SLCO3A1: variants seen among roughly 807,000 people sequenced by gnomAD.
SLCO3A1 encodes the protein solute carrier organic anion transporter family member 3A1, also known as PGE1 transporter.
Under a neutral mutation model 63.1 loss-of-function variants are expected in SLCO3A1, and 27 were observed. That is an observed-to-expected ratio of 0.43 (90% CI 0.32 to 0.59). The LOEUF is 0.59. Among genes scored for constraint, SLCO3A1 ranks in the 20% least tolerant of loss-of-function variants. SLCO3A1 has a pLI of 0.09. For synonymous variants in SLCO3A1, 473 were observed against 409.9 expected (o/e 1.15, Z -1.86); for missense variants, 773 against 945.8 (o/e 0.82, Z 2.40).
At chr15:92,134,318 T>G (rs1030134431) in intron 7 of SLCO3A1, among the ~76,000 whole-genome samples, 1 of 152,240 alleles carries the variant, frequency 6.6e-6, no homozygotes, top group African/African-American at 2.4e-5. Context: ...GTGACTATTC[T>G]GAAATCAAAC....
At chr15:92,042,618 T>C (rs1400787) in intron 2 of SLCO3A1, among the ~76,000 whole-genome samples, 9,225 of 152,158 alleles carry the variant, frequency 0.061, 874 homozygotes, top group African/African-American at 0.21. Flanking sequence ...AAATGGGCCA[T>C]TGACTGTAAC....
At chr15:92,083,682 A>G (rs553099962) in intron 2 of SLCO3A1, among the ~76,000 whole-genome samples, 5 of 152,332 alleles carry the variant, frequency 3.3e-5, no homozygotes, top group Non-Finnish European at 4.4e-5. Flanking sequence ...AGCCTTGTGC[A>G]TAGAAACAGA....
chr15:91,999,157 A>G (rs2046224831), intron 2 of SLCO3A1, among the ~76,000 whole-genome samples: 1 of 152,170 alleles, frequency 6.6e-6, no homozygotes, highest in South Asian at 2.1e-4. Context: ...TGTGGGGAAA[A>G]GGGTGAAAGG....
At chr15:91,944,532 C>G (rs1445506162) in intron 2 of SLCO3A1, among the ~76,000 whole-genome samples, 1 of 152,074 alleles carries the variant, frequency 6.6e-6, no homozygotes, top group Non-Finnish European at 1.5e-5. Flanking sequence ...TGATCCGTCA[C>G]AAGTCCTGCC....
rs766437983 is a variant in SLCO3A1 at position 92,147,035 on chromosome 15, G to C, written c.1564G>C (p.Val522Leu). ...LTTVPAENAT[V>L]VPGKCPSPGC... is the part of the protein sequence containing the mutation. Reference sequence around the variant, plus strand: ...CACCGTCCCTGCTGAGAACGCAACCGTGGTTCCTGGAAAATGCCCCAGTCC... The same window carrying C: ...CACCGTCCCTGCTGAGAACGCAACCCTGGTTCCTGGAAAATGCCCCAGTCC... The change falls in exon 8 of 10, where the codon GTG becomes CTG. Residue 522 changes from valine to leucine, a missense_variant. Transcript: ENST00000318445. 1 of 1,614,028 alleles carries C rather than the reference G, an allele frequency of 6.2e-7. No individual in the cohort carries two copies. Among genetic ancestry groups the C allele is most frequent in the African/African-American group, 1.3e-5 (1 of 74,924 alleles).
At chr15:91,926,596 T>TGTGTGTGTGTGTGTGTGTGTGTGTGA in intron 2 of SLCO3A1, among the ~76,000 whole-genome samples, 1 of 105,318 alleles carries the variant, frequency 9.5e-6, no homozygotes, top group African/African-American at 3.6e-5. Context: ...TGTGTGTGTG[T>TGTGTGTGTGTGTGTGTGTGTGTGTGA]GCGCGCGCGC....
intron 3 of SLCO3A1, among the ~76,000 whole-genome samples, chr15:92,099,809 C>T (rs796265477): frequency 1.2e-4 from 18 of 152,202 alleles, no homozygotes; most frequent in African/African-American, 4.3e-4. Flanking sequence ...CACCTGTAAT[C>T]CCAGCATTTT....
intron 2 of SLCO3A1, among the ~76,000 whole-genome samples, chr15:91,918,396 G>C (rs540546488): frequency 6.6e-6 from 1 of 152,136 alleles, no homozygotes; most frequent in Non-Finnish European, 1.5e-5. Context: ...CATGACATAC[G>C]AACATCTTGG....
chr15:92,147,774 A>C (rs1799782613), intron 8 of SLCO3A1, among the ~76,000 whole-genome samples: 1 of 152,210 alleles, frequency 6.6e-6, no homozygotes, highest in African/African-American at 2.4e-5. Flanking sequence ...TCCTGGGGAT[A>C]GGTGAAGTGC....
chr15:92,116,612 C>A (rs993699156), intron 4 of SLCO3A1, among the ~76,000 whole-genome samples: 9 of 152,178 alleles, frequency 5.9e-5, no homozygotes, highest in Admixed American at 6.5e-5. Flanking sequence ...CTGGGCCGCC[C>A]CATTAGCTGC....
At chr15:91,864,849 T>G (rs1897128390) in intron 1 of SLCO3A1, among the ~76,000 whole-genome samples, 1 of 152,216 alleles carries the variant, frequency 6.6e-6, no homozygotes, top group African/African-American at 2.4e-5. Flanking sequence ...ATTTCCGCTC[T>G]GTCACGTCCT....
rs2048481046 is a variant in SLCO3A1 at position 92,164,957 on chromosome 15, A to AAACTC, written c.*1825_*1829dup. The AAACTC allele has an allele frequency of 1.0e-6, 1 of 971,132 alleles. No homozygotes were observed. The highest frequency in any genetic ancestry group is 1.2e-6 in the Non-Finnish European group (1 of 824,928). The allele number at this position is 971,132 out of a possible 1,614,324, so 60.2% of individuals were successfully genotyped here. On this transcript the variant is annotated 3_prime_UTR_variant, in exon 10 of 10. Coordinates refer to ENST00000318445, the MANE Select transcript of SLCO3A1 (RefSeq NM_013272.4). ...TGTCACATTCCTGGCGCTGGAAAAA[A>AAACTC]AACTCAAAGGTTGATTGGTTTGCTT...
intron 2 of SLCO3A1, among the ~76,000 whole-genome samples, chr15:92,001,227 C>T (rs941585654): frequency 6.0e-5 from 9 of 150,736 alleles, no homozygotes; most frequent in Admixed American, 1.3e-4. Flanking sequence ...GGGGAGGGGG[C>T]GAACAAAAGA....
chr15:91,927,785 G>A (rs1899082950), intron 2 of SLCO3A1, among the ~76,000 whole-genome samples: 1 of 152,198 alleles, frequency 6.6e-6, no homozygotes, highest in Non-Finnish European at 1.5e-5. Flanking sequence ...TTTACAAAGG[G>A]AATTTGGATT....
intron 1 of SLCO3A1, among the ~76,000 whole-genome samples, chr15:91,880,403 C>CTGTGTGTGTGTGTGTGTGTGTGTG (rs1324272484): frequency 7.1e-5 from 10 of 140,570 alleles, no homozygotes; most frequent in African/African-American, 2.5e-4. Context: ...CTCTCTCTCT[C>CTGTGTGTGTGTGTGTGTGTGTGTG]TCTCTCTGTG....
chr15:91,868,829 A>G (rs1178272954), intron 1 of SLCO3A1, among the ~76,000 whole-genome samples: 1 of 152,198 alleles, frequency 6.6e-6, no homozygotes, highest in Non-Finnish European at 1.5e-5. Context: ...GGATCTCACT[A>G]TAAATTCTGT....
chr15:91,915,405 T>C (rs1597116438), intron 1 of SLCO3A1, among the ~76,000 whole-genome samples: 1 of 152,202 alleles, frequency 6.6e-6, no homozygotes, highest in Non-Finnish European at 1.5e-5. Flanking sequence ...CCTGATGGCC[T>C]CTGGGGAAAT....
At chr15:92,129,664 C>A (rs765595468) in intron 7 of SLCO3A1, among the ~76,000 whole-genome samples, 2 of 152,180 alleles carry the variant, frequency 1.3e-5, no homozygotes, top group Non-Finnish European at 2.9e-5. Flanking sequence ...AAAATATGAA[C>A]CCCCAGTGGC....
At chr15:92,150,188 G>A (rs2048286278) in intron 8 of SLCO3A1, among the ~76,000 whole-genome samples, 1 of 152,302 alleles carries the variant, frequency 6.6e-6, no homozygotes, top group Admixed American at 6.5e-5. Flanking sequence ...AAGGGAGAAA[G>A]ATGTAGGTTG....
Sources: allele counts gnomAD v4.1 joint callset (sites outside exome capture counted in the v4.1 genomes callset), GRCh38; gene constraint gnomAD v4.1.1; transcripts MANE v1.5; gene names NCBI Gene and HGNC (gene_info 2026-07-23, HGNC 2026-07-21).